CATSPERT: variants seen among roughly 807,000 people sequenced by gnomAD.
CATSPERT encodes the protein cation channel sperm-associated targeting subunit tau.
At chr2:201,569,580 A>G in the CATSPERT span, among the ~76,000 whole-genome samples, 4 of 152,092 alleles carry the variant, frequency 2.6e-5, no homozygotes, top group Non-Finnish European at 5.9e-5. Context: ...TGCCACTGTA[A>G]AGTCTGGCCC....
the CATSPERT span, among the ~76,000 whole-genome samples, chr2:201,564,766 G>T: frequency 6.6e-6 from 1 of 152,102 alleles, no homozygotes; most frequent in Admixed American, 6.5e-5. Context: ...AAATCAGTTG[G>T]CACCTTAATC....
the CATSPERT span, chr2:201,582,260 C>CA: frequency 8.1e-5 from 125 of 1,546,148 alleles, no homozygotes; most frequent in Non-Finnish European, 1.0e-4. Flanking sequence ...TAAATTTGAG[C>CA]CTAAATATTT....
chr2:201,535,740 C>T, the CATSPERT span: 26 of 1,342,864 alleles, frequency 1.9e-5, no homozygotes, highest in African/African-American at 3.3e-4. Context: ...CACTTGGAGA[C>T]ATTTGAATGC....
chr2:201,614,447 T>A, the CATSPERT span, among the ~76,000 whole-genome samples: 1 of 152,208 alleles, frequency 6.6e-6, no homozygotes, highest in East Asian at 1.9e-4. Flanking sequence ...GAATTTCATA[T>A]CCAGCCAAAC....
chr2:201,563,185 G>A, the CATSPERT span, among the ~76,000 whole-genome samples: 1 of 117,892 alleles, frequency 8.5e-6, no homozygotes, highest in African/African-American at 3.2e-5. Context: ...GGCTGGCCGG[G>A]CGGGGGCTGA....
chr2:201,547,571 T>C, the CATSPERT span: 1 of 1,549,370 alleles, frequency 6.5e-7, no homozygotes, highest in Non-Finnish European at 8.8e-7. Context: ...TATCTATCCA[T>C]GTATTCAGAT....
the CATSPERT span, among the ~76,000 whole-genome samples, chr2:201,559,130 G>A: frequency 3.3e-5 from 5 of 152,188 alleles, no homozygotes; most frequent in Non-Finnish European, 5.9e-5. Flanking sequence ...CTCAGGACCT[G>A]AGAAACAGCC....
the CATSPERT span, among the ~76,000 whole-genome samples, chr2:201,502,253 C>G: frequency 6.6e-5 from 10 of 152,132 alleles, no homozygotes; most frequent in Non-Finnish European, 1.0e-4. Context: ...AGATGTCACT[C>G]CATAGTCTTC....
At chr2:201,522,656 C>G in the CATSPERT span, among the ~76,000 whole-genome samples, 5 of 152,314 alleles carry the variant, frequency 3.3e-5, no homozygotes, top group African/African-American at 9.6e-5. Context: ...CCCCCACAGA[C>G]ATTTGAGCTG....
the CATSPERT span, chr2:201,556,753 G>GTTATA: frequency 1.3e-5 from 2 of 151,926 alleles, no homozygotes; most frequent in Admixed American, 1.3e-4. Context: ...CTTGAACCTG[G>GTTATA]GAGGCAGAAG....
chr2:201,532,536 T>C, the CATSPERT span, among the ~76,000 whole-genome samples: 1 of 152,170 alleles, frequency 6.6e-6, no homozygotes, highest in Non-Finnish European at 1.5e-5. Context: ...AGTTATTCAT[T>C]TATAAATTAT....
chr2:201,556,196 G>GT, the CATSPERT span: 1 of 152,184 alleles, frequency 6.6e-6, no homozygotes, highest in African/African-American at 2.4e-5. Context: ...TAATCCATTG[G>GT]TTTTAGGGAC....
chr2:201,519,552 T>C, the CATSPERT span, among the ~76,000 whole-genome samples: 8 of 151,506 alleles, frequency 5.3e-5, no homozygotes, highest in African/African-American at 1.5e-4. Context: ...ATATTCAAAA[T>C]AATAATCTTA....
At chr2:201,520,882 C>A in the CATSPERT span, among the ~76,000 whole-genome samples, 1 of 82,974 alleles carries the variant, frequency 1.2e-5, no homozygotes, top group South Asian at 4.4e-4. Context: ...GAGATCCTGT[C>A]TCAGAAAAAA....
chr2:201,573,579 G>T, the CATSPERT span, among the ~76,000 whole-genome samples: 1 of 152,146 alleles, frequency 6.6e-6, no homozygotes, highest in Non-Finnish European at 1.5e-5. Flanking sequence ...TTTAGATGCA[G>T]AAATCCACAC....
At chr2:201,521,304 A>C in the CATSPERT span, among the ~76,000 whole-genome samples, 8 of 152,222 alleles carry the variant, frequency 5.3e-5, no homozygotes. Context: ...AAAGAGGTTT[A>C]ATTGACTCAC....
chr2:201,604,415 TCCCTA>T, the CATSPERT span, among the ~76,000 whole-genome samples: 1 of 152,148 alleles, frequency 6.6e-6, no homozygotes, highest in Non-Finnish European at 1.5e-5. Context: ...GATTTGGGAA[TCCCTA>T]ATATAGAAGA....
the CATSPERT span, chr2:201,571,792 A>T: frequency 1.6e-6 from 1 of 611,716 alleles, no homozygotes; most frequent in Non-Finnish European, 2.8e-6. Context: ...AAAACAATTC[A>T]CTACTCTCTT....
chr2:201,576,428 T>C, the CATSPERT span, among the ~76,000 whole-genome samples: 1 of 152,200 alleles, frequency 6.6e-6, no homozygotes. Context: ...CTTCTGCCAC[T>C]GAAGGTTCTG....
Sources: gnomAD v4.1 joint callset for allele counts (sites outside exome capture counted in the v4.1 genomes callset) on GRCh38, gnomAD v4.1.1 for gene constraint, MANE v1.5 for transcripts, NCBI Gene and HGNC (gene_info 2026-07-23, HGNC 2026-07-21) for gene names.